The following PDE1C variants were observed in gnomAD, a reference collection of about 807,000 sequenced individuals.
The protein encoded by PDE1C is dual specificity calcium/calmodulin-dependent 3',5'-cyclic nucleotide phosphodiesterase 1C.
Under a neutral mutation model 93.1 loss-of-function variants are expected in PDE1C, and 62 were observed. That is an observed-to-expected ratio of 0.67 (90% confidence interval 0.54 to 0.82). The LOEUF (loss-of-function observed/expected upper bound fraction) is 0.82. Ranked by LOEUF, PDE1C falls within the 40% of genes least tolerant of loss-of-function variation. The pLI, the probability that PDE1C is intolerant of heterozygous loss-of-function variation, is 0.00. For synonymous variants in PDE1C, 325 were observed against 310.1 expected (o/e 1.05, Z -0.50); for missense variants, 742 against 884.6 (o/e 0.84, Z 2.04).
chr7:31,643,345 A>G, the PDE1C span: 1 of 1,613,972 alleles, frequency 6.2e-7, no homozygotes, highest in Non-Finnish European at 8.5e-7. Context: ...CCTTGCTCAA[A>G]CATCTGAAAA....
rs140171883 is a variant in PDE1C, at chr7:31,932,353, A to G, written c.129-51493T>C. ...ATCTAATATCCAGAATCTACAAGGAACTTAAACAAATTTACAAGAAAAAAG... is the reference window on the plus strand; with the variant it reads ...ATCTAATATCCAGAATCTACAAGGAGCTTAAACAAATTTACAAGAAAAAAG... On this transcript the variant is annotated intron_variant, in intron 2 of 17. Coordinates refer to ENST00000396191, the MANE Select transcript of PDE1C (RefSeq NM_001191057.4). 9.0e-3 allele frequency among the ~76,000 whole-genome samples: 1,363 copies of G among 152,288 alleles called. 22 individuals are homozygous for G. The highest frequency in any genetic ancestry group is 0.031 in the African/African-American group (1,277 of 41,570).
At chr7:32,356,970 G>T (rs1784042990) in intron 1 of PDE1C, among the ~76,000 whole-genome samples, 1 of 152,080 alleles carries the variant, frequency 6.6e-6, no homozygotes, top group South Asian at 2.1e-4. Context: ...TTTTTGCCAA[G>T]ATCTACACAC....
intron 2 of PDE1C, among the ~76,000 whole-genome samples, chr7:32,006,421 T>C (rs1786262504): frequency 6.6e-6 from 1 of 152,208 alleles, no homozygotes; most frequent in African/African-American, 2.4e-5. Context: ...GATGTCTTTT[T>C]ACAGGAACGA....
At chr7:31,965,766 T>A (rs200747930) in intron 2 of PDE1C, among the ~76,000 whole-genome samples, 4 of 152,212 alleles carry the variant, frequency 2.6e-5, no homozygotes, top group African/African-American at 9.6e-5. Flanking sequence ...TCTCTTGGCA[T>A]AAACTCTACA....
chr7:32,154,742 G>A (rs1801465112), intron 3 of PDE1C, among the ~76,000 whole-genome samples: 2 of 152,178 alleles, frequency 1.3e-5, no homozygotes, highest in Non-Finnish European at 2.9e-5. Context: ...ACCATACAGT[G>A]GGCACCACTG....
At position 32,067,275 on chromosome 7, in the gene PDE1C, G is replaced by A. The variant is rs188346465; in HGVS notation, c.101+3018C>T. Among the ~76,000 whole-genome samples the A allele has an allele frequency of 2.0e-4, 31 of 152,202 alleles. 1 individual carries two copies. Among genetic ancestry groups the A allele is most frequent in the East Asian group, 1.9e-3 (10 of 5,176 alleles). On this transcript the variant is annotated intron_variant, in intron 1 of 17. Coordinates refer to ENST00000396191, the MANE Select transcript of PDE1C (RefSeq NM_001191057.4). Reference sequence around the variant, plus strand: ...TTTCAAATATGTATTACTGTATACCGGGTGGAAGCGTAGGCACTGGGGATA... The same window carrying A: ...TTTCAAATATGTATTACTGTATACCAGGTGGAAGCGTAGGCACTGGGGATA...
chr7:31,909,112 G>A (rs1399405285), intron 2 of PDE1C, among the ~76,000 whole-genome samples: 1 of 151,930 alleles, frequency 6.6e-6, no homozygotes, highest in Admixed American at 6.6e-5. Flanking sequence ...ATCTCCTACT[G>A]GCTCTACTTT....
At chr7:32,248,128 ATAAT>A (rs1253359136) in intron 1 of PDE1C, among the ~76,000 whole-genome samples, 2 of 152,190 alleles carry the variant, frequency 1.3e-5, no homozygotes, top group Non-Finnish European at 2.9e-5. Flanking sequence ...GGGTGTAAAG[ATAAT>A]TATTTAATAT....
chr7:31,750,963 A>G (rs908384151), downstream of PDE1C, among the ~76,000 whole-genome samples: 4 of 152,240 alleles, frequency 2.6e-5, no homozygotes, highest in African/African-American at 9.6e-5. Flanking sequence ...ACTAAACTCT[A>G]TTATGGGTTA....
chr7:31,969,885 C>T (rs545795157), intron 2 of PDE1C, among the ~76,000 whole-genome samples: 2 of 152,022 alleles, frequency 1.3e-5, no homozygotes, highest in Non-Finnish European at 2.9e-5. Flanking sequence ...AGCAAACTAT[C>T]GCAAGGACAA....
At chr7:32,261,904 G>A (rs1052158822) in intron 1 of PDE1C, among the ~76,000 whole-genome samples, 3 of 151,994 alleles carry the variant, frequency 2.0e-5, no homozygotes, top group African/African-American at 4.8e-5. Context: ...AACACTAATG[G>A]GCTAAAATTA....
At chr7:31,621,914 A>G in the PDE1C span, among the ~76,000 whole-genome samples, 1 of 151,534 alleles carries the variant, frequency 6.6e-6, no homozygotes. Context: ...AGGAAGATCT[A>G]CCAAGCCAAT....
intron 2 of PDE1C, among the ~76,000 whole-genome samples, chr7:32,179,687 G>A (rs1405063982): frequency 6.6e-6 from 1 of 152,118 alleles, no homozygotes; most frequent in Non-Finnish European, 1.5e-5. Context: ...ATCTAAATCA[G>A]AAATAACTAC....
At chr7:31,983,922 G>C (rs777151086) in intron 2 of PDE1C, among the ~76,000 whole-genome samples, 7 of 152,314 alleles carry the variant, frequency 4.6e-5, no homozygotes, top group Middle Eastern at 3.4e-3. Context: ...TGAACTGGCA[G>C]AGTGAAGGAG....
intron 1 of PDE1C, among the ~76,000 whole-genome samples, chr7:32,396,925 C>T (rs1258582923): frequency 1.3e-5 from 2 of 152,042 alleles, no homozygotes; most frequent in East Asian, 1.9e-4. Flanking sequence ...AACTTCATAA[C>T]CATTTGGAAA....
chr7:31,899,329 G>C (rs1461399879), intron 2 of PDE1C, among the ~76,000 whole-genome samples: 1 of 151,742 alleles, frequency 6.6e-6, no homozygotes, highest in Non-Finnish European at 1.5e-5. Flanking sequence ...TAGTAGAGAC[G>C]GGGTTTCACC....
chr7:32,285,232 GA>G (rs1585078513), intron 1 of PDE1C, among the ~76,000 whole-genome samples: 1 of 152,008 alleles, frequency 6.6e-6, no homozygotes, highest in Non-Finnish European at 1.5e-5. Context: ...AACTCCATTC[GA>G]AAACTTTCAT....
rs192745138 is a variant in PDE1C at position 31,841,485 on chromosome 7, T to G, written c.981-3514A>C. Reference sequence around the variant, plus strand: ...AACATTCAATATTTCACCATTAAGCTTGATGTTAGTTATAGGTTTTTCACA... The same window carrying G: ...AACATTCAATATTTCACCATTAAGCGTGATGTTAGTTATAGGTTTTTCACA... On this transcript the variant is annotated intron_variant, in intron 9 of 17. Transcript: ENST00000396191. Among the ~76,000 whole-genome samples, 46 of 152,192 alleles carry G rather than the reference T, an allele frequency of 3.0e-4. No individual in the cohort carries two copies. In the East Asian group the frequency reaches 7.7e-3, roughly 26 times the overall value.
chr7:31,619,806 TTGC>T, the PDE1C span, among the ~76,000 whole-genome samples: 1 of 152,136 alleles, frequency 6.6e-6, no homozygotes, highest in African/African-American at 2.4e-5. Context: ...GCGCGAGGCA[TTGC>T]CTCCCTCGGG....
Sources: gnomAD v4.1 joint callset for allele counts (sites outside exome capture counted in the v4.1 genomes callset) on GRCh38, gnomAD v4.1.1 for gene constraint, MANE v1.5 for transcripts, NCBI Gene and HGNC (gene_info 2026-07-23, HGNC 2026-07-21) for gene names.